The following IL1RAPL2 variants were observed in gnomAD, a reference collection of about 807,000 sequenced individuals.
IL1RAPL2 encodes X-linked interleukin-1 receptor accessory protein-like 2.
A neutral mutation model predicts 44.1 loss-of-function variants in IL1RAPL2; 3 were observed. That is an observed-to-expected ratio of 0.07 (90% confidence interval 0.03 to 0.18). The LOEUF (loss-of-function observed/expected upper bound fraction) is 0.18. IL1RAPL2 is among the 10% of genes least tolerant of loss of function. The pLI is 1.00. For missense variants in IL1RAPL2, 391 were observed against 496.4 expected (o/e 0.79, Z 2.02); for synonymous variants, 181 against 178.8 (o/e 1.01, Z -0.10).
chrX:105,600,523 TTTAA>T (rs1647044159), intron 6 of IL1RAPL2, among the ~76,000 whole-genome samples: 1 of 108,924 alleles, frequency 9.2e-6, no homozygotes, highest in East Asian at 2.8e-4. Flanking sequence ...TATTTAATAA[TTTAA>T]TTAATAATGA....
chrX:105,257,503 G>T (rs146911499), intron 4 of IL1RAPL2, among the ~76,000 whole-genome samples: 2,236 of 111,658 alleles, frequency 0.02, 58 homozygotes, highest in African/African-American at 0.069. Flanking sequence ...TTAATTTTCT[G>T]CTTCGATGAT....
At chrX:104,840,179 C>A (rs917484911) in intron 2 of IL1RAPL2, among the ~76,000 whole-genome samples, 1 of 111,835 alleles carries the variant, frequency 8.9e-6, no homozygotes, top group African/African-American at 3.3e-5. Context: ...GTGATCTTTT[C>A]AAGTTTCTGA....
intron 6 of IL1RAPL2, among the ~76,000 whole-genome samples, chrX:105,624,584 A>C (rs1488635868): frequency 9.0e-6 from 1 of 111,457 alleles, no homozygotes; most frequent in Non-Finnish European, 1.9e-5. Context: ...AGAAAAGGCT[A>C]TTCAGTGTGA....
chrX:104,655,826 A>C (rs1423170815), intron 1 of IL1RAPL2, among the ~76,000 whole-genome samples: 2 of 111,292 alleles, frequency 1.8e-5, no homozygotes, highest in African/African-American at 6.5e-5. Flanking sequence ...TTGGTAGGCT[A>C]TTAATTATTG....
At chrX:105,223,824 A>G (rs782023617) in intron 3 of IL1RAPL2, among the ~76,000 whole-genome samples, 6 of 111,812 alleles carry the variant, frequency 5.4e-5, no homozygotes, top group Non-Finnish European at 1.1e-4. Flanking sequence ...GAGGCATTTG[A>G]CTTGAGAAAC....
intron 6 of IL1RAPL2, among the ~76,000 whole-genome samples, chrX:105,595,531 T>G (rs1411739418): frequency 9.0e-6 from 1 of 111,647 alleles, no homozygotes; most frequent in Non-Finnish European, 1.9e-5. Context: ...TTAAAACCCA[T>G]AAAATATTTT....
intron 2 of IL1RAPL2, among the ~76,000 whole-genome samples, chrX:105,104,483 G>A (rs1035125833): frequency 1.8e-5 from 2 of 112,004 alleles, no homozygotes; most frequent in African/African-American, 3.2e-5. Flanking sequence ...AACAATGGAT[G>A]TAAAGATGAA....
At chrX:104,623,057 T>A (rs1475769564) in intron 1 of IL1RAPL2, among the ~76,000 whole-genome samples, 2 of 111,327 alleles carry the variant, frequency 1.8e-5, no homozygotes, top group Admixed American at 1.9e-4. Context: ...GCATTTTTTT[T>A]TAAAAAAAGT....
At chrX:104,894,007 G>T (rs1031920674) in intron 2 of IL1RAPL2, among the ~76,000 whole-genome samples, 2 of 111,308 alleles carry the variant, frequency 1.8e-5, no homozygotes, top group African/African-American at 6.5e-5. Context: ...CTCAGCATTT[G>T]CTTGTCTGTA....
At chrX:104,654,741 T>C (rs1358398978) in intron 1 of IL1RAPL2, among the ~76,000 whole-genome samples, 1 of 111,448 alleles carries the variant, frequency 9.0e-6, no homozygotes, top group Non-Finnish European at 1.9e-5. Context: ...AGGATGGCAT[T>C]GAATCTATAA....
rs889611738 is a variant in IL1RAPL2 at position 104,656,893 on chromosome X, C to G, written c.-19-2002C>G. On this transcript the variant is annotated intron_variant, in intron 1 of 10. Transcript: ENST00000372582. The stretch of plus-strand genomic sequence containing the variant: ...GTGCATATATATTTAGGATGGTTAG[C>G]TCTTCTTGTTGAATTGATCCCTTTA... Among the ~76,000 whole-genome samples, 6 of 111,380 alleles carry G rather than the reference C, an allele frequency of 5.4e-5. No homozygotes were observed. In the Admixed American group the frequency reaches 5.7e-4, roughly 11 times the overall value.
intron 2 of IL1RAPL2, among the ~76,000 whole-genome samples, chrX:104,772,540 G>C (rs1457962329): frequency 2.7e-5 from 3 of 112,050 alleles, no homozygotes; most frequent in Non-Finnish European, 5.6e-5. Flanking sequence ...TTGTTTATTG[G>C]ATAGAGATCA....
intron 5 of IL1RAPL2, among the ~76,000 whole-genome samples, chrX:105,388,884 T>G (rs991891938): frequency 9.0e-6 from 1 of 111,687 alleles, no homozygotes; most frequent in African/African-American, 3.3e-5. Context: ...GGGAATTCAC[T>G]CCTTATTAGA....
At position 104,773,029 on chromosome X, in the gene IL1RAPL2, C is replaced by T. The variant is rs762943943; in HGVS notation, c.82+114034C>T. Among the ~76,000 whole-genome samples, 17 of 111,276 alleles carry T rather than the reference C, an allele frequency of 1.5e-4. No homozygotes were observed. The East Asian group carries it at 4.3e-3, about 28-fold the overall frequency. On this transcript the variant is annotated intron_variant, in intron 2 of 10. Coordinates refer to ENST00000372582, the MANE Select transcript of IL1RAPL2 (RefSeq NM_017416.2). The stretch of plus-strand genomic sequence containing the variant: ...GGCTCCAGTGATCCTCCCACCTCAG[C>T]CTCCCAAGTAGCTGGGGCTACAGGT...
intron 6 of IL1RAPL2, among the ~76,000 whole-genome samples, chrX:105,510,835 CT>C (rs1290529272): frequency 1.8e-5 from 2 of 111,400 alleles, no homozygotes; most frequent in African/African-American, 6.5e-5. Flanking sequence ...GGATACAGTC[CT>C]GCCAACACTT....
At position 105,767,541 on chromosome X, in the gene IL1RAPL2, G is replaced by A. The variant is rs1461418867; in HGVS notation, c.1941G>A (p.Thr647=). 3 of 1,209,713 alleles carry A rather than the reference G, an allele frequency of 2.5e-6. No homozygotes were observed. The highest frequency in any genetic ancestry group is 2.2e-6 in the Non-Finnish European group (2 of 893,929). ...NHHTYCNLPL[T]LLNGQLPLNN... ...ATACTTATTGTAACCTGCCTCTGAC[G>A]CTACTCAACGGACAGCTACCCCTTA... Residue 647 remains threonine, a synonymous_variant, in exon 11 of 11, where the codon ACG becomes ACA. Coordinates refer to ENST00000372582, the MANE Select transcript of IL1RAPL2 (RefSeq NM_017416.2).
intron 2 of IL1RAPL2, among the ~76,000 whole-genome samples, chrX:105,029,448 G>A (rs2031440760): frequency 1.2e-5 from 1 of 81,162 alleles, no homozygotes; most frequent in Non-Finnish European, 2.2e-5. Flanking sequence ...TCCCCTTCTT[G>A]TGTCCATGTG....
At chrX:105,234,228 C>T (rs2034099301) in intron 4 of IL1RAPL2, among the ~76,000 whole-genome samples, 1 of 112,019 alleles carries the variant, frequency 8.9e-6, no homozygotes, top group Admixed American at 9.5e-5. Context: ...AAAGTAGAAT[C>T]TCCCTCCAGC....
At chrX:104,606,677 A>G (rs1221849246) in intron 1 of IL1RAPL2, among the ~76,000 whole-genome samples, 4 of 111,390 alleles carry the variant, frequency 3.6e-5, no homozygotes, top group Non-Finnish European at 7.5e-5. Flanking sequence ...GAGTCACATC[A>G]TGAGTGAACT....
Sources: allele counts gnomAD v4.1 joint callset (sites outside exome capture counted in the v4.1 genomes callset), GRCh38; gene constraint gnomAD v4.1.1; transcripts MANE v1.5; gene names NCBI Gene and HGNC (gene_info 2026-07-23, HGNC 2026-07-21).